The following WNK1 variants were observed in gnomAD, a reference collection of about 807,000 sequenced individuals.
WNK1 encodes serine/threonine-protein kinase WNK1.
Under a neutral mutation model 222.8 loss-of-function variants are expected in WNK1, and 38 were observed. The observed-to-expected ratio is 0.17, with a 90% CI of 0.13 to 0.22. WNK1 has a LOEUF of 0.22. Among genes scored for constraint, WNK1 ranks in the 10% least tolerant of loss-of-function variants. The probability of loss-of-function intolerance (pLI) is 1.00; values close to 1 mark genes in which losing one functional copy is unlikely to be tolerated. For missense variants in WNK1, 2,348 were observed against 2,918.4 expected, an observed-to-expected ratio of 0.80 and a Z score of 4.50; for synonymous variants, 1,090 against 1,092.9, an observed-to-expected ratio of 1.00 and a Z score of 0.05.
chr12:794,540 G>A (rs759093784), intron 1 of WNK1, among the ~76,000 whole-genome samples: 5 of 149,912 alleles, frequency 3.3e-5, no homozygotes, highest in Non-Finnish European at 3.0e-5. Flanking sequence ...GTTGGACTTC[G>A]GTGCTTTTTC....
intron 2 of WNK1, among the ~76,000 whole-genome samples, chr12:814,741 C>T (rs778074720): frequency 2.4e-4 from 37 of 151,970 alleles, no homozygotes; most frequent in South Asian, 4.2e-4. Flanking sequence ...TGAACTGGTG[C>T]GGGGGTGGGG....
chr12:786,764 G>T lies in WNK1; in HGVS notation c.760-26878G>T, dbSNP rs114428127. On this transcript the variant is annotated intron_variant, in intron 1 of 27. Coordinates refer to ENST00000315939, the MANE Select transcript of WNK1 (RefSeq NM_018979.4). ...TTACCAGTGTGAGCCACTGTGCCTGGCCCTTTATCTTCTTTTTTATGTCAT... is the reference window on the plus strand; with the variant it reads ...TTACCAGTGTGAGCCACTGTGCCTGTCCCTTTATCTTCTTTTTTATGTCAT... Among the ~76,000 whole-genome samples the T allele has an allele frequency of 4.0e-3, 607 of 152,088 alleles. 4 individuals are homozygous for T. The highest frequency in any genetic ancestry group is 0.031 in the South Asian group (151 of 4,822).
chr12:873,533 A>T (rs1052257023), intron 9 of WNK1, among the ~76,000 whole-genome samples: 1 of 152,228 alleles, frequency 6.6e-6, no homozygotes, highest in African/African-American at 2.4e-5. Context: ...TAGAATAATT[A>T]ACTTCTCCAA....
intron 1 of WNK1, among the ~76,000 whole-genome samples, chr12:780,221 T>C (rs1239783645): frequency 6.6e-6 from 1 of 152,212 alleles, no homozygotes; most frequent in Non-Finnish European, 1.5e-5. Context: ...CAGTTGTCAG[T>C]GAAGATTTAT....
chr12:884,927 G>T lies in WNK1; in HGVS notation c.4123G>T (p.Val1375Phe), dbSNP rs764132647. 2 of 1,614,140 alleles carry T rather than the reference G, an allele frequency of 1.2e-6. No homozygotes were observed. The highest frequency in any genetic ancestry group is 2.2e-5 in the South Asian group (2 of 91,080). Reference sequence around the variant, plus strand: ...TTCCACATCAGTAATTCAGTCTGAGGTTACAGTGCCCACTGAAGAGGGGAT... The same window carrying T: ...TTCCACATCAGTAATTCAGTCTGAGTTTACAGTGCCCACTGAAGAGGGGAT... Reference protein sequence around the residue: ...DISTSVIQSEVTVPTEEGIAG... With the variant: ...DISTSVIQSEFTVPTEEGIAG... The change falls in exon 19 of 28, where the codon GTT becomes TTT. Residue 1375 changes from valine to phenylalanine, a missense_variant. This residue lies in a region of WNK1 where 1,144 missense variants were observed against 1,273.6 expected (regional missense o/e 0.90). Coordinates refer to ENST00000315939, the MANE Select transcript of WNK1 (RefSeq NM_018979.4). The surrounding 1 kb of genome is among the most constrained non-coding windows in gnomAD (Gnocchi z 5.6).
chr12:764,005 A>G (rs1941367961), intron 1 of WNK1, among the ~76,000 whole-genome samples: 1 of 147,676 alleles, frequency 6.8e-6, no homozygotes, highest in South Asian at 2.2e-4. Flanking sequence ...GAAGTTCAAT[A>G]GGCAGTTGGA....
intron 1 of WNK1, among the ~76,000 whole-genome samples, chr12:807,508 T>C (rs1946475450): frequency 6.6e-6 from 1 of 152,056 alleles, no homozygotes; most frequent in African/African-American, 2.4e-5. Context: ...TTTCCTGTGG[T>C]GGCAGATTCT....
At chr12:806,460 CT>C (rs1223342038) in intron 1 of WNK1, among the ~76,000 whole-genome samples, 1 of 152,152 alleles carries the variant, frequency 6.6e-6, no homozygotes, top group African/African-American at 2.4e-5. Flanking sequence ...ACAAGTGCCC[CT>C]GAAGATTCTT....
chr12:898,963 A>G (rs1237535483), intron 25 of WNK1, among the ~76,000 whole-genome samples: 1 of 150,550 alleles, frequency 6.6e-6, no homozygotes, highest in African/African-American at 2.4e-5. Flanking sequence ...CTGGTCTCAA[A>G]CTCCTGGCTC....
At chr12:840,467 A>G (rs1458078424) in intron 4 of WNK1, among the ~76,000 whole-genome samples, 1 of 152,124 alleles carries the variant, frequency 6.6e-6, no homozygotes, top group Non-Finnish European at 1.5e-5. Flanking sequence ...GAAAATGTCA[A>G]AAGAAGAGTA....
intron 5 of WNK1, 116 bp from the exon 6 acceptor site, chr12:859,129 T>C (rs1951004303): frequency 2.3e-6 from 2 of 879,702 alleles, no homozygotes; most frequent in Non-Finnish European, 3.7e-6. Context: ...CTTTCCCCTG[T>C]ATTTTTTCCC....
At chr12:879,477 TTGGCTAATACATAAATC>T in intron 10 of WNK1, 79 bp from the exon 11 acceptor site, 1 of 782,210 alleles carries the variant, frequency 1.3e-6, no homozygotes, top group Admixed American at 3.1e-5. Flanking sequence ...TTCCTTCTTT[TTGGCTAATACATAAATC>T]TTGCTTTTGG....
intron 26 of WNK1, chr12:906,220 T>G (rs541108044): frequency 9.5e-4 from 719 of 756,016 alleles, no homozygotes; most frequent in South Asian, 1.3e-3. Context: ...CTGTAACACG[T>G]GAGATCTGGT....
intron 1 of WNK1, among the ~76,000 whole-genome samples, chr12:807,731 TTTTTTTG>T (rs1946501276): frequency 7.6e-6 from 1 of 131,690 alleles, no homozygotes; most frequent in African/African-American, 3.0e-5. Context: ...TTTTTTTTTT[TTTTTTTG>T]AGACGGAATC....
rs1953207784 is a variant in WNK1 at position 881,994 on chromosome 12, C to T, written c.3293C>T (p.Thr1098Ile). 1 of 1,614,150 alleles carries T rather than the reference C, an allele frequency of 6.2e-7. No homozygotes were observed. The highest frequency in any genetic ancestry group is 8.5e-7 in the Non-Finnish European group (1 of 1,180,028). ...SSSGRHEGRT[T>I]KRHYRKSVRS... ...AGTGGAAGGCATGAAGGAAGAACTA[C>T]AAAACGGCATTACCGAAAATCTGTA... Residue 1098 changes from threonine to isoleucine, a missense_variant, in exon 14 of 28, where the codon ACA becomes ATA. Coordinates refer to ENST00000315939, the MANE Select transcript of WNK1 (RefSeq NM_018979.4).
intron 1 of WNK1, among the ~76,000 whole-genome samples, chr12:805,394 T>C (rs1488701477): frequency 3.3e-5 from 5 of 152,168 alleles, no homozygotes; most frequent in Non-Finnish European, 7.3e-5. Context: ...AAAAGGACAG[T>C]TCTTTAATGT....
At chr12:763,054 T>C (rs1331148135) in intron 1 of WNK1, among the ~76,000 whole-genome samples, 1 of 147,070 alleles carries the variant, frequency 6.8e-6, no homozygotes, top group Non-Finnish European at 1.5e-5. Context: ...TCCGTATTTT[T>C]ATCTTTTGGT....
intron 1 of WNK1, among the ~76,000 whole-genome samples, chr12:809,000 G>A (rs1946654112): frequency 6.6e-6 from 1 of 151,908 alleles, no homozygotes; most frequent in African/African-American, 2.4e-5. Flanking sequence ...CTGACCTCAG[G>A]TGATCTGCCC....
At position 865,283 on chromosome 12, in the gene WNK1, A is replaced by C. The variant is rs1329642511; in HGVS notation, c.2139+3013A>C. On this transcript the variant is annotated intron_variant, in intron 8 of 27. Coordinates refer to ENST00000315939, the MANE Select transcript of WNK1 (RefSeq NM_018979.4). ...CTTTTGCCGAAAAGCTTTCTAAAGC[A>C]TTGGAGAGTGTCCTGCCTATGCACT... 1.2e-5 allele frequency: 18 copies of C among 1,536,010 alleles called. No individual in the cohort carries two copies. The highest frequency in any genetic ancestry group is 1.6e-5 in the Non-Finnish European group (18 of 1,146,922).
Sources: allele counts gnomAD v4.1 joint callset (sites outside exome capture counted in the v4.1 genomes callset), GRCh38; gene constraint gnomAD v4.1.1; regional missense constraint gnomAD v4.1.1; non-coding constraint Gnocchi (gnomAD v3.1); transcripts MANE v1.5; gene names NCBI Gene and HGNC (gene_info 2026-07-23, HGNC 2026-07-21).